The following COMMD1 variants were observed in gnomAD, a reference collection of about 807,000 sequenced individuals.
The protein encoded by COMMD1 is COMM domain-containing protein 1.
A neutral mutation model predicts 17.2 loss-of-function variants in COMMD1; 10 were observed. The ratio of observed to expected loss-of-function variants is 0.58; its 90% CI spans 0.36 to 0.99. The LOEUF is 0.99. Ranked by LOEUF, COMMD1 falls within the 50% of genes least tolerant of loss-of-function variation. COMMD1 has a pLI of 0.01. For missense variants in COMMD1, 270 were observed against 231.8 expected (o/e 1.17, Z -1.07); for synonymous variants, 97 against 91.6 (o/e 1.06, Z -0.34).
At chr2:61,972,042 G>C (rs1671664257) in intron 1 of COMMD1, among the ~76,000 whole-genome samples, 1 of 152,094 alleles carries the variant, frequency 6.6e-6, no homozygotes, top group Non-Finnish European at 1.5e-5. Flanking sequence ...AAGATTGCTT[G>C]AGCCCGGGAG....
At chr2:61,972,744 A>G (rs1671688139) in intron 1 of COMMD1, among the ~76,000 whole-genome samples, 1 of 152,226 alleles carries the variant, frequency 6.6e-6, no homozygotes, top group African/African-American at 2.4e-5. Context: ...CAAAACTGTC[A>G]TGAATTAGGT....
intron 2 of COMMD1, among the ~76,000 whole-genome samples, chr2:62,048,494 A>G (rs1558576964): frequency 6.6e-6 from 1 of 152,072 alleles, no homozygotes; most frequent in Non-Finnish European, 1.5e-5. Flanking sequence ...GCCAGGAACT[A>G]AATTTCAGTA....
At chr2:62,042,430 T>C (rs1009817294) in intron 2 of COMMD1, among the ~76,000 whole-genome samples, 1 of 152,124 alleles carries the variant, frequency 6.6e-6, no homozygotes, top group African/African-American at 2.4e-5. Flanking sequence ...AATGGCACTC[T>C]CCGGGGGACT....
At chr2:61,970,564 A>G (rs1671621675) in intron 1 of COMMD1, among the ~76,000 whole-genome samples, 2 of 152,208 alleles carry the variant, frequency 1.3e-5, no homozygotes. Context: ...ATGATAAAAA[A>G]AAGTTTGGTA....
intron 1 of COMMD1, among the ~76,000 whole-genome samples, chr2:61,937,119 G>A (rs979224920): frequency 6.6e-5 from 10 of 152,146 alleles, no homozygotes; most frequent in African/African-American, 2.4e-4. Flanking sequence ...AGACAGCAAG[G>A]TTTTATCCTG....
chr2:61,962,758 ACT>A (rs1671388789), intron 1 of COMMD1, among the ~76,000 whole-genome samples: 1 of 151,848 alleles, frequency 6.6e-6, no homozygotes, highest in Non-Finnish European at 1.5e-5. Flanking sequence ...ATTTGTCCTG[ACT>A]CCACAAGGAA....
intron 1 of COMMD1, among the ~76,000 whole-genome samples, chr2:61,967,166 C>T (rs1671528472): frequency 6.6e-6 from 1 of 152,042 alleles, no homozygotes; most frequent in Non-Finnish European, 1.5e-5. Flanking sequence ...AGCTAAGTTG[C>T]AAAGATAGCA....
chr2:61,933,153 A>G (rs1458230667), intron 1 of COMMD1, among the ~76,000 whole-genome samples: 1 of 151,912 alleles, frequency 6.6e-6, no homozygotes, highest in East Asian at 1.9e-4. Context: ...CCAAAGCTGC[A>G]CATCTGAAAT....
At chr2:62,064,884 G>C (rs1290092327) in intron 2 of COMMD1, among the ~76,000 whole-genome samples, 1 of 152,160 alleles carries the variant, frequency 6.6e-6, no homozygotes, top group Non-Finnish European at 1.5e-5. Context: ...AATCTATGCT[G>C]TGCCAGGTGC....
intron 1 of COMMD1, among the ~76,000 whole-genome samples, chr2:61,930,196 A>G (rs1670426227): frequency 6.6e-6 from 1 of 152,164 alleles, no homozygotes; most frequent in African/African-American, 2.4e-5. Flanking sequence ...AGGATTCTGC[A>G]TTGATACTTT....
chr2:62,015,715 T>C (rs1284334993), intron 2 of COMMD1, among the ~76,000 whole-genome samples: 5 of 151,402 alleles, frequency 3.3e-5, no homozygotes, highest in South Asian at 4.2e-4. Context: ...TTTTTCTTTT[T>C]TTTTTTTGAT....
intron 1 of COMMD1, 66 bp downstream of exon 1, chr2:61,905,924 C>A: frequency 6.6e-7 from 1 of 1,506,150 alleles, no homozygotes; most frequent in Non-Finnish European, 9.2e-7. Flanking sequence ...TCAGACTCTC[C>A]CCCCCTTGCC....
At chr2:61,905,436 T>C (rs935572228), upstream of COMMD1, among the ~76,000 whole-genome samples, 1 of 152,196 alleles carries the variant, frequency 6.6e-6, no homozygotes, top group Non-Finnish European at 1.5e-5. Flanking sequence ...TCTGCAGTGA[T>C]GAAGGGGATC....
intron 1 of COMMD1, among the ~76,000 whole-genome samples, chr2:61,956,179 C>T (rs1671193409): frequency 6.6e-6 from 1 of 152,164 alleles, no homozygotes; most frequent in African/African-American, 2.4e-5. Context: ...CTAATTTATA[C>T]TCTGAATGTT....
chr2:61,940,173 C>T (rs1670705906), intron 1 of COMMD1, among the ~76,000 whole-genome samples: 1 of 152,166 alleles, frequency 6.6e-6, no homozygotes. Context: ...GGATTTGTCC[C>T]ATCTAGTACT....
intron 2 of COMMD1, among the ~76,000 whole-genome samples, chr2:62,039,276 T>G (rs546912350): frequency 2.1e-4 from 32 of 152,348 alleles, no homozygotes; most frequent in African/African-American, 6.5e-4. Flanking sequence ...GCTTGTATAT[T>G]CATTTACATT....
chr2:61,957,876 A>G (rs1449269399), intron 1 of COMMD1, among the ~76,000 whole-genome samples: 3 of 152,224 alleles, frequency 2.0e-5, no homozygotes, highest in Non-Finnish European at 4.4e-5. Context: ...TACTCATGGA[A>G]TAACCCTAAG....
At chr2:62,123,544 GGAAGGAAGGAAA>G (rs1412463146) in intron 2 of COMMD1, among the ~76,000 whole-genome samples, 1 of 149,588 alleles carries the variant, frequency 6.7e-6, no homozygotes, top group Non-Finnish European at 1.5e-5. Context: ...CAGGAAGGAA[GGAAGGAAGGAAA>G]GAAGGAAGGA....
chr2:61,908,524 C>G (rs1669828740), intron 1 of COMMD1, among the ~76,000 whole-genome samples: 3 of 151,590 alleles, frequency 2.0e-5, no homozygotes, highest in Admixed American at 1.3e-4. Context: ...TGCACCCAGC[C>G]TTTATTTAAC....
Sources: gnomAD v4.1 joint callset for allele counts (sites outside exome capture counted in the v4.1 genomes callset) on GRCh38, gnomAD v4.1.1 for gene constraint, MANE v1.5 for transcripts, NCBI Gene and HGNC (gene_info 2026-07-23, HGNC 2026-07-21) for gene names.